The following FBXO4 variants were observed in gnomAD, a reference collection of about 807,000 sequenced individuals.
FBXO4 encodes the protein F-box only protein 4.
A neutral mutation model predicts 43.7 loss-of-function variants in FBXO4; 36 were observed. The observed-to-expected ratio is 0.82, with a 90% CI of 0.63 to 1.09. FBXO4 has a LOEUF of 1.09. Among genes scored for constraint, FBXO4 ranks in the 50% least tolerant of loss-of-function variants. FBXO4 has a pLI of 0.00. For synonymous variants in FBXO4, 180 were observed against 165.6 expected, an observed-to-expected ratio of 1.09 and a Z score of -0.67; for missense variants, 435 against 474.1, an observed-to-expected ratio of 0.92 and a Z score of 0.77.
the FBXO4 span, among the ~76,000 whole-genome samples, chr5:42,038,258 T>TA: frequency 6.6e-6 from 1 of 152,096 alleles, no homozygotes; most frequent in Non-Finnish European, 1.5e-5. Flanking sequence ...CGACACCTTT[T>TA]AATTAAAAAT....
At chr5:42,014,581 T>C in the FBXO4 span, among the ~76,000 whole-genome samples, 2 of 152,182 alleles carry the variant, frequency 1.3e-5, no homozygotes, top group Non-Finnish European at 1.5e-5. Context: ...TTACTTACCC[T>C]CTTATTATCT....
At chr5:41,971,390 A>G in the FBXO4 span, among the ~76,000 whole-genome samples, 1,689 of 152,134 alleles carry the variant, frequency 0.011, 28 homozygotes, top group African/African-American at 0.033. Context: ...AAGTACAAAC[A>G]AGATAATAAA....
the FBXO4 span, among the ~76,000 whole-genome samples, chr5:42,028,549 T>TTCC: frequency 2.6e-5 from 4 of 151,830 alleles, no homozygotes; most frequent in African/African-American, 9.7e-5. Flanking sequence ...AAGTAAGGAC[T>TTCC]TCCTCCTGCC....
At chr5:41,993,618 G>GATAGAT in the FBXO4 span, among the ~76,000 whole-genome samples, 3 of 136,632 alleles carry the variant, frequency 2.2e-5, no homozygotes, top group Non-Finnish European at 4.7e-5. Flanking sequence ...GAACTAATAG[G>GATAGAT]ATATATATAT....
Position 41,934,075 on chromosome 5 carries a change from G to A in FBXO4, c.722+54G>A, listed in dbSNP as rs997677302. 8.7e-6 allele frequency: 14 copies of A among 1,610,600 alleles called. No individual in the cohort carries two copies. In the African/African-American group the frequency reaches 1.7e-4, roughly 20 times the overall value. On this transcript the variant is annotated intron_variant, in intron 4 of 6. Transcript: ENST00000281623. ...GAAACATCAGAACTAAAACATTTCA[G>A]GTGAGTGGAGCCTGTTTAGTGTCTT...
the FBXO4 span, among the ~76,000 whole-genome samples, chr5:41,999,494 C>CCT: frequency 3.5e-5 from 3 of 86,872 alleles, no homozygotes; most frequent in African/African-American, 1.6e-4. Flanking sequence ...TATATATATA[C>CCT]ATATATATAT....
At chr5:42,030,622 T>C in the FBXO4 span, among the ~76,000 whole-genome samples, 1 of 151,586 alleles carries the variant, frequency 6.6e-6, no homozygotes, top group African/African-American at 2.4e-5. Flanking sequence ...CTAATTAAAC[T>C]AAAGAGCTTC....
chr5:41,958,902 G>C, the FBXO4 span, among the ~76,000 whole-genome samples: 9 of 152,124 alleles, frequency 5.9e-5, no homozygotes, highest in African/African-American at 2.2e-4. Context: ...CATATCCTTT[G>C]GATACAGATC....
In FBXO4 at chr5:41,934,158, G is replaced by C; in HGVS notation, c.748G>C (p.Glu250Gln). The C allele has an allele frequency of 6.2e-7, 1 of 1,614,024 alleles. No homozygotes were observed. Among genetic ancestry groups the C allele is most frequent in the Non-Finnish European group, 8.5e-7 (1 of 1,179,968 alleles). Residue 250 changes from glutamate (E) to glutamine (Q), a missense_variant, in exon 5 of 7, where the codon GAG becomes CAG. Physicochemically the swap from Glu to Gln is conservative, Grantham distance 29. Transcript: ENST00000281623. Reference protein sequence around the residue: ...TRKERDRAREEHTSAVNKMFS... With the variant: ...TRKERDRAREQHTSAVNKMFS... ...AAAGGAAAGAGATAGAGCAAGGGAAGAGCATACAAGTGCAGTTAACAAGAT... is the reference window on the plus strand; with the variant it reads ...AAAGGAAAGAGATAGAGCAAGGGAACAGCATACAAGTGCAGTTAACAAGAT...
At chr5:41,964,261 A>G in the FBXO4 span, among the ~76,000 whole-genome samples, 782 of 152,270 alleles carry the variant, frequency 5.1e-3, 8 homozygotes, top group African/African-American at 0.018. Flanking sequence ...TTGATAATAT[A>G]TGGTTTGCCA....
At chr5:42,009,364 AGTGTGTGTGTATGTGT>A in the FBXO4 span, among the ~76,000 whole-genome samples, 1 of 127,980 alleles carries the variant, frequency 7.8e-6, no homozygotes, top group Non-Finnish European at 1.6e-5. Flanking sequence ...TGGGAATTGG[AGTGTGTGTGTATGTGT>A]GTGTGTGTGT....
At chr5:41,993,356 G>A in the FBXO4 span, among the ~76,000 whole-genome samples, 2 of 151,986 alleles carry the variant, frequency 1.3e-5, no homozygotes, top group Non-Finnish European at 2.9e-5. Context: ...TTAAAGTGTA[G>A]AAGATAGTGT....
the FBXO4 span, among the ~76,000 whole-genome samples, chr5:41,960,409 A>C: frequency 6.6e-6 from 1 of 152,148 alleles, no homozygotes; most frequent in African/African-American, 2.4e-5. Context: ...GTCAATAATG[A>C]ACATTCTTGT....
chr5:41,984,859 T>G, the FBXO4 span, among the ~76,000 whole-genome samples: 1 of 152,170 alleles, frequency 6.6e-6, no homozygotes, highest in African/African-American at 2.4e-5. Context: ...TGTTTCTGTC[T>G]CTGTTGACAC....
intron 6 of FBXO4, among the ~76,000 whole-genome samples, chr5:41,940,407 A>G (rs962056620): frequency 6.6e-6 from 1 of 152,000 alleles, no homozygotes; most frequent in African/African-American, 2.4e-5. Context: ...GATTACAGGC[A>G]TGTGCCACCA....
chr5:42,027,318 C>G, the FBXO4 span, among the ~76,000 whole-genome samples: 2 of 123,760 alleles, frequency 1.6e-5, no homozygotes, highest in Non-Finnish European at 1.6e-5. Context: ...TCTAGATTTC[C>G]CAATTAACTA....
chr5:41,999,502 T>C, the FBXO4 span, among the ~76,000 whole-genome samples: 4,668 of 75,062 alleles, frequency 0.062, 127 homozygotes, highest in African/African-American at 0.1. Context: ...TACATATATA[T>C]ATGTGTATAT....
chr5:41,942,732 A>G (rs770632828), downstream of FBXO4, among the ~76,000 whole-genome samples: 2 of 151,928 alleles, frequency 1.3e-5, no homozygotes, highest in Non-Finnish European at 2.9e-5. Flanking sequence ...CCTAGTCCTA[A>G]TTATCTTTGG....
At chr5:41,975,062 G>C in the FBXO4 span, among the ~76,000 whole-genome samples, 15 of 152,194 alleles carry the variant, frequency 9.9e-5, no homozygotes, top group Admixed American at 5.9e-4. Context: ...TTGATTCTTA[G>C]GACTCTTGCC....
Sources: gnomAD v4.1 joint callset for allele counts (sites outside exome capture counted in the v4.1 genomes callset) on GRCh38, gnomAD v4.1.1 for gene constraint, MANE v1.5 for transcripts, NCBI Gene and HGNC (gene_info 2026-07-23, HGNC 2026-07-21) for gene names.